The following MOGAT1 variants were observed in gnomAD, a reference collection of about 807,000 sequenced individuals.
MOGAT1 encodes the protein monoacylglycerol O-acyltransferase 1.
In MOGAT1, 32 loss-of-function variants were observed where a neutral mutation model predicts 31.4. That is an observed-to-expected ratio of 1.02 (90% confidence interval 0.77 to 1.37). The LOEUF (loss-of-function observed/expected upper bound fraction) is 1.37, where lower values mean the gene tolerates loss of function less well. MOGAT1 is among the 40% of genes most tolerant of loss of function. The pLI, the probability that MOGAT1 is intolerant of heterozygous loss-of-function variation, is 0.00. For synonymous variants in MOGAT1, 145 were observed against 144.5 expected, an observed-to-expected ratio of 1.00 and a Z score of -0.03; for missense variants, 426 against 402.0, an observed-to-expected ratio of 1.06 and a Z score of -0.51.
chr2:222,691,213 TA>T (rs1184289291), intron 3 of MOGAT1, among the ~76,000 whole-genome samples: 7 of 151,930 alleles, frequency 4.6e-5, no homozygotes, highest in African/African-American at 1.7e-4. Context: ...TATTTTATTT[TA>T]TTTTTTTTGA....
At position 222,675,513 on chromosome 2, in the gene MOGAT1, T is replaced by A. The variant is rs1209127174; in HGVS notation, c.94+3634T>A. On this transcript the variant is annotated intron_variant, in intron 1 of 5. Transcript: ENST00000446656. ...TTTTTTTTTTGAGACGGAGTCTCAC[T>A]CTGTCGCCCAGGCTGGAGTGCAGTG... Among the ~76,000 whole-genome samples, 3 of 144,762 alleles carry A rather than the reference T, an allele frequency of 2.1e-5. No homozygotes were observed. In the Admixed American group the frequency reaches 2.2e-4, roughly 10 times the overall value. 95.0% of individuals were successfully genotyped at this position (144,762 alleles called of 152,430 possible).
At chr2:222,677,668 G>A in intron 1 of MOGAT1, 1 of 397,258 alleles carries the variant, frequency 2.5e-6, no homozygotes, top group Non-Finnish European at 5.0e-6. Flanking sequence ...AAAACTCAAA[G>A]GATTCTAGAA....
intron 3 of MOGAT1, among the ~76,000 whole-genome samples, chr2:222,691,371 C>A (rs1240561965): frequency 6.6e-6 from 1 of 151,806 alleles, no homozygotes; most frequent in Non-Finnish European, 1.5e-5. Context: ...CCATGCCAGG[C>A]TAATTTTTTG....
intron 3 of MOGAT1, among the ~76,000 whole-genome samples, chr2:222,692,322 T>C (rs1368689750): frequency 6.6e-6 from 1 of 152,198 alleles, no homozygotes; most frequent in Non-Finnish European, 1.5e-5. Context: ...CCTCATGAAG[T>C]CAGTAACTAT....
intron 1 of MOGAT1, chr2:222,677,858 T>G (rs745916485): frequency 9.8e-5 from 25 of 256,074 alleles, no homozygotes; most frequent in Non-Finnish European, 1.7e-4. Context: ...CCGTACTAAC[T>G]GTGTCCTTCC....
chr2:222,680,656 G>A (rs781373587), intron 1 of MOGAT1, among the ~76,000 whole-genome samples: 14 of 152,164 alleles, frequency 9.2e-5, no homozygotes, highest in South Asian at 4.1e-4. Flanking sequence ...TAGTGTCTCC[G>A]GGAATAAGAA....
chr2:222,677,748 C>A, intron 1 of MOGAT1: 2 of 362,336 alleles, frequency 5.5e-6, no homozygotes, highest in African/African-American at 4.4e-5. Context: ...GAAGTTACTG[C>A]TCTTGAAATT....
Position 222,701,299 on chromosome 2 carries a change from GGAGAGAGA to G in MOGAT1, c.853+6034_853+6041del, listed in dbSNP as rs1553562912. 3.5e-3 allele frequency among the ~76,000 whole-genome samples: 321 copies of G among 90,550 alleles called. 2 individuals are homozygous for G. The highest frequency in any genetic ancestry group is 0.013 in the African/African-American group (299 of 22,440). The allele number at this position is 90,550 out of a possible 152,430, so 59.4% of individuals were successfully genotyped here. On this transcript the variant is annotated intron_variant, in intron 5 of 5. Transcript: ENST00000446656. Reference sequence around the variant, plus strand: ...AAGAGAGAGAGAGAGAGGAGGAGGAGGAGAGAGAGAGAGAGAGAGAGAGAGAGAGATAA... The same window carrying G: ...AAGAGAGAGAGAGAGAGGAGGAGGAGGAGAGAGAGAGAGAGAGAGAGATAA...
intron 3 of MOGAT1, among the ~76,000 whole-genome samples, chr2:222,690,281 G>T (rs757000807): frequency 6.6e-6 from 1 of 152,068 alleles, no homozygotes; most frequent in South Asian, 2.1e-4. Context: ...AAAAAGAGAC[G>T]AGGGCAGTGA....
chr2:222,674,878 C>T (rs995760981), intron 1 of MOGAT1, among the ~76,000 whole-genome samples: 2 of 151,836 alleles, frequency 1.3e-5, no homozygotes, highest in African/African-American at 2.4e-5. Context: ...CTTATGTTGC[C>T]CTGGCTGGTC....
chr2:222,706,658 A>C (rs1464009286), intron 5 of MOGAT1, among the ~76,000 whole-genome samples: 5 of 152,166 alleles, frequency 3.3e-5, no homozygotes. Context: ...AGAGAAGAAC[A>C]CACTTCATCT....
chr2:222,689,152 A>G, intron 2 of MOGAT1, 113 bp from the exon 3 acceptor site: 2 of 954,108 alleles, frequency 2.1e-6, no homozygotes, highest in South Asian at 3.6e-5. Flanking sequence ...GGGAACAAAA[A>G]TGAGTCATGT....
chr2:222,682,485 C>T (rs1412721737), intron 1 of MOGAT1, among the ~76,000 whole-genome samples: 1 of 152,194 alleles, frequency 6.6e-6, no homozygotes, highest in Non-Finnish European at 1.5e-5. Context: ...CTGGACTTGA[C>T]TAAGGTGATG....
intron 5 of MOGAT1, among the ~76,000 whole-genome samples, chr2:222,699,896 G>A (rs1163518014): frequency 2.0e-5 from 3 of 152,118 alleles, no homozygotes; most frequent in African/African-American, 7.2e-5. Flanking sequence ...GAGCAGAAAT[G>A]GATTTCATAT....
At position 222,695,241 on chromosome 2, in the gene MOGAT1, A is replaced by C; in HGVS notation, c.806A>C (p.Gln269Pro). 6.2e-7 allele frequency: 1 copy of C among 1,613,690 alleles called. No homozygotes were observed. The highest frequency in any genetic ancestry group is 8.5e-7 in the Non-Finnish European group (1 of 1,179,770). Residue 269 changes from glutamine to proline, a missense_variant, in exon 5 of 6, where the codon CAG (glutamine) becomes CCG (proline). Physicochemically the swap from Gln to Pro is moderately conservative, Grantham distance 76 (BLOSUM62 -1). Transcript: ENST00000446656. ...CTGTTTCATGCCAGGGGAGTTTTTCAGTACAATTTTGGCCTAATGACCTAT... is the reference window on the plus strand; with the variant it reads ...CTGTTTCATGCCAGGGGAGTTTTTCCGTACAATTTTGGCCTAATGACCTAT... Reference protein sequence around the residue: ...LPLFHARGVFQYNFGLMTYRK... With the variant: ...LPLFHARGVFPYNFGLMTYRK...
At chr2:222,678,063 C>G (rs770470761) in intron 1 of MOGAT1, 1 of 236,044 alleles carries the variant, frequency 4.2e-6, no homozygotes, top group Non-Finnish European at 8.6e-6. Context: ...ATGGCTCCAA[C>G]CAAACTCTTC....
At chr2:222,680,334 G>A (rs1260696476) in intron 1 of MOGAT1, among the ~76,000 whole-genome samples, 1 of 152,182 alleles carries the variant, frequency 6.6e-6, no homozygotes, top group Non-Finnish European at 1.5e-5. Context: ...GCTGGTTTCA[G>A]CCAGATCTTT....
chr2:222,680,212 T>C (rs1319145652), intron 1 of MOGAT1, among the ~76,000 whole-genome samples: 1 of 152,268 alleles, frequency 6.6e-6, no homozygotes, highest in African/African-American at 2.4e-5. Context: ...TCTTGGGCTT[T>C]CATAAACACT....
At chr2:222,685,145 GA>G (rs1178844762) in intron 1 of MOGAT1, among the ~76,000 whole-genome samples, 7 of 152,122 alleles carry the variant, frequency 4.6e-5, no homozygotes, top group Non-Finnish European at 8.8e-5. Flanking sequence ...GTTCATAGGG[GA>G]AAAAAGGCCA....
Sources: gnomAD v4.1 joint callset for allele counts (sites outside exome capture counted in the v4.1 genomes callset) on GRCh38, gnomAD v4.1.1 for gene constraint, MANE v1.5 for transcripts, NCBI Gene and HGNC (gene_info 2026-07-23, HGNC 2026-07-21) for gene names.